GHR: variants seen among roughly 807,000 people sequenced by gnomAD.
The protein encoded by GHR is growth hormone receptor.
In GHR, 35 loss-of-function variants were observed where a neutral mutation model predicts 67.1. The ratio of observed to expected loss-of-function variants is 0.52; its 90% confidence interval spans 0.40 to 0.69. The LOEUF (loss-of-function observed/expected upper bound fraction) is 0.69, where lower values mean the gene tolerates loss of function less well. Among genes scored for constraint, GHR ranks in the 30% least tolerant of loss-of-function variants. The pLI is 0.00. For synonymous variants in GHR, 272 were observed against 269.1 expected, an observed-to-expected ratio of 1.01 and a Z score of -0.10; for missense variants, 792 against 764.6, an observed-to-expected ratio of 1.04 and a Z score of -0.42.
intron 2 of GHR, among the ~76,000 whole-genome samples, chr5:42,615,212 G>GA (rs542354400): frequency 2.2e-4 from 33 of 146,882 alleles, no homozygotes; most frequent in Middle Eastern, 3.4e-3. Context: ...CTACAGCAAA[G>GA]AAAAAAAAAA....
At chr5:42,435,002 A>AG (rs1165270955) in intron 1 of GHR, among the ~76,000 whole-genome samples, 1 of 152,216 alleles carries the variant, frequency 6.6e-6, no homozygotes. Context: ...CTGCAAAAAA[A>AG]CAGTTGATTA....
In GHR at chr5:42,721,268, T is replaced by G. The variant is rs1334404376; in HGVS notation, c.*1844T>G. On this transcript the variant is annotated 3_prime_UTR_variant, in exon 10 of 10. Coordinates refer to ENST00000230882, the MANE Select transcript of GHR (RefSeq NM_000163.5). ...GCATTGGGATATCTCCTGAAAAGGT[T>G]TATGAAAAAGAAGAATCTCATCTCA... The G allele has an allele frequency of 6.6e-6, 1 of 152,136 alleles. No individual in the cohort carries two copies. The highest frequency in any genetic ancestry group is 1.5e-5 in the Non-Finnish European group (1 of 68,020). 9.4% of individuals were successfully genotyped at this position (152,136 alleles called of 1,614,324 possible).
chr5:42,523,187 C>G (rs1747550883), intron 1 of GHR, among the ~76,000 whole-genome samples: 1 of 152,166 alleles, frequency 6.6e-6, no homozygotes, highest in Admixed American at 6.5e-5. Context: ...CAATGGGATT[C>G]ATTCTAGATG....
chr5:42,577,749 A>G (rs578193777), intron 2 of GHR, among the ~76,000 whole-genome samples: 1 of 152,330 alleles, frequency 6.6e-6, no homozygotes, highest in East Asian at 1.9e-4. Flanking sequence ...GGAAGTACCC[A>G]GGTGCTAGCT....
At chr5:42,650,065 A>T (rs976823130) in intron 3 of GHR, among the ~76,000 whole-genome samples, 1 of 152,132 alleles carries the variant, frequency 6.6e-6, no homozygotes, top group Non-Finnish European at 1.5e-5. Context: ...TATTAGAATA[A>T]ATTTATCTTA....
At chr5:42,703,236 T>A (rs1758017782) in intron 6 of GHR, among the ~76,000 whole-genome samples, 1 of 152,010 alleles carries the variant, frequency 6.6e-6, no homozygotes, top group Admixed American at 6.6e-5. Flanking sequence ...TTTTTGTATA[T>A]GAGGTAAAAT....
At chr5:42,458,395 A>C (rs1744348656) in intron 1 of GHR, among the ~76,000 whole-genome samples, 1 of 152,202 alleles carries the variant, frequency 6.6e-6, no homozygotes, top group Admixed American at 6.5e-5. Flanking sequence ...CTCTCTATTC[A>C]ATAAATGGGG....
At chr5:42,717,470 G>C (rs1561254020) in intron 8 of GHR, among the ~76,000 whole-genome samples, 1 of 152,138 alleles carries the variant, frequency 6.6e-6, no homozygotes, top group Non-Finnish European at 1.5e-5. Flanking sequence ...TGATTAGTTA[G>C]AGATAGTTAA....
chr5:42,647,328 AC>A (rs1754787331), intron 3 of GHR, among the ~76,000 whole-genome samples: 1 of 152,066 alleles, frequency 6.6e-6, no homozygotes, highest in African/African-American at 2.4e-5. Flanking sequence ...TAATCCCAGC[AC>A]TTTGGGAGGC....
chr5:42,440,828 TTAGA>T (rs1743533271), intron 1 of GHR, among the ~76,000 whole-genome samples: 1 of 152,196 alleles, frequency 6.6e-6, no homozygotes, highest in South Asian at 2.1e-4. Context: ...TAGTGCTGAC[TTAGA>T]TAGTACTGGT....
At chr5:42,611,547 GA>G (rs954008480) in intron 2 of GHR, among the ~76,000 whole-genome samples, 2 of 152,068 alleles carry the variant, frequency 1.3e-5, no homozygotes, top group African/African-American at 4.8e-5. Flanking sequence ...TATGTTAGGG[GA>G]CAAAACGCAC....
intron 3 of GHR, among the ~76,000 whole-genome samples, chr5:42,653,853 A>T (rs1429284229): frequency 6.6e-6 from 1 of 152,180 alleles, no homozygotes; most frequent in Non-Finnish European, 1.5e-5. Context: ...TCTGTGTTCT[A>T]GTCCAAATCA....
chr5:42,670,880 A>AATATATAT (rs55876651), intron 3 of GHR, among the ~76,000 whole-genome samples: 7 of 118,192 alleles, frequency 5.9e-5, no homozygotes, highest in African/African-American at 2.3e-4. Flanking sequence ...AAAAAAAAAA[A>AATATATAT]ATATATATAT....
chr5:42,475,354 G>T (rs572501689), intron 1 of GHR, among the ~76,000 whole-genome samples: 1 of 152,228 alleles, frequency 6.6e-6, no homozygotes, highest in East Asian at 1.9e-4. Flanking sequence ...AACTATAGGA[G>T]TTGAAGCCTG....
chr5:42,493,138 G>A (rs537848841), intron 1 of GHR, among the ~76,000 whole-genome samples: 4 of 152,246 alleles, frequency 2.6e-5, no homozygotes, highest in South Asian at 2.1e-4. Flanking sequence ...TGATTGGGGC[G>A]TTTTCTGGTT....
At position 42,633,100 on chromosome 5, in the gene GHR, A is replaced by AT. The variant is rs573826374; in HGVS notation, c.136+3997_136+3998insT. On this transcript the variant is annotated intron_variant, in intron 3 of 9. Transcript: ENST00000230882. ...TTTCTTAAACACATATAGAGAAAAA[A>AT]ATTAGATGATTGCACATCTTTCTGA... Among the ~76,000 whole-genome samples the AT allele has an allele frequency of 4.6e-3, 708 of 152,284 alleles. 3 individuals are homozygous for AT. Among genetic ancestry groups the AT allele is most frequent in the Admixed American group, 7.8e-3 (119 of 15,298 alleles).
intron 3 of GHR, among the ~76,000 whole-genome samples, chr5:42,658,972 T>C (rs1755410237): frequency 6.6e-6 from 1 of 152,154 alleles, no homozygotes; most frequent in Admixed American, 6.5e-5. Context: ...TAGATTCTAA[T>C]TTTGAGGCAT....
chr5:42,483,800 A>G (rs1166504647), intron 1 of GHR, among the ~76,000 whole-genome samples: 2 of 152,234 alleles, frequency 1.3e-5, no homozygotes, highest in East Asian at 3.9e-4. Context: ...CAATTTAGCC[A>G]GGTCTGAACT....
chr5:42,640,189 T>G lies in GHR; in HGVS notation c.136+11086T>G, dbSNP rs1169420738. On this transcript the variant is annotated intron_variant, in intron 3 of 9. Transcript: ENST00000230882. ...TCTTATCAGTGGTTGTGGCAAACTC[T>G]CTTACTGGTTTCAATTGGTCCCACA... Among the ~76,000 whole-genome samples, 3 of 152,244 alleles carry G rather than the reference T, an allele frequency of 2.0e-5. No individual in the cohort carries two copies. In the East Asian group the frequency reaches 5.8e-4, roughly 29 times the overall value.
Sources: allele counts gnomAD v4.1 joint callset (sites outside exome capture counted in the v4.1 genomes callset), GRCh38; gene constraint gnomAD v4.1.1; transcripts MANE v1.5; gene names NCBI Gene and HGNC (gene_info 2026-07-23, HGNC 2026-07-21).